Variants in XRCC4 observed in about 807,000 individuals in gnomAD.
The protein encoded by XRCC4 is DNA repair protein XRCC4.
Under a neutral mutation model 39.1 loss-of-function variants are expected in XRCC4, and 28 were observed. The observed-to-expected ratio is 0.72, with a 90% CI of 0.53 to 0.98. The LOEUF is 0.98. Ranked by LOEUF, XRCC4 falls within the 50% of genes least tolerant of loss-of-function variation. The probability of loss-of-function intolerance (pLI) is 0.00; values close to 1 mark genes in which losing one functional copy is unlikely to be tolerated. For missense variants in XRCC4, 350 were observed against 376.4 expected (o/e 0.93, Z 0.58); for synonymous variants, 123 against 126.4 (o/e 0.97, Z 0.18).
At chr5:83,341,491 G>T (rs1275690329) in intron 7 of XRCC4, among the ~76,000 whole-genome samples, 1 of 152,118 alleles carries the variant, frequency 6.6e-6, no homozygotes, top group Non-Finnish European at 1.5e-5. Context: ...AAGACTAAGA[G>T]AACTTAGTGG....
At chr5:83,103,429 G>A (rs1375401009) in intron 1 of XRCC4, among the ~76,000 whole-genome samples, 3 of 150,948 alleles carry the variant, frequency 2.0e-5, no homozygotes, top group Non-Finnish European at 4.4e-5. Flanking sequence ...CATGGAAAAT[G>A]TTTGCAAGAA....
chr5:83,291,746 G>A (rs1177382809), intron 7 of XRCC4, among the ~76,000 whole-genome samples: 1 of 151,684 alleles, frequency 6.6e-6, no homozygotes, highest in Non-Finnish European at 1.5e-5. Flanking sequence ...GCTTTCCTCT[G>A]TAACAGCTCA....
At chr5:83,187,944 G>A (rs577354044) in intron 3 of XRCC4, among the ~76,000 whole-genome samples, 4 of 152,148 alleles carry the variant, frequency 2.6e-5, no homozygotes, top group Non-Finnish European at 4.4e-5. Flanking sequence ...GAGAAGTTTT[G>A]CAATGACAGG....
At chr5:83,315,935 A>G (rs1378978607) in intron 7 of XRCC4, among the ~76,000 whole-genome samples, 1 of 152,178 alleles carries the variant, frequency 6.6e-6, no homozygotes, top group African/African-American at 2.4e-5. Context: ...GTAAGGCTAC[A>G]ACTGCCATAG....
rs750605920 is a variant in XRCC4 at position 83,353,175 on chromosome 5, C to G, written c.938C>G (p.Ser313Ter). Reference sequence around the variant, plus strand: ...GAGACGTCTAAAAAGGAGCACATCTCAGCTGAAAACATGTCTTTAGAAACT... The same window carrying G: ...GAGACGTCTAAAAAGGAGCACATCTGAGCTGAAAACATGTCTTTAGAAACT... ...LPETSKKEHI[S>*]AENMSLETLR... The change falls in exon 8 of 8, where the codon TCA (serine) becomes TGA (stop). Residue 313 changes from serine to a stop codon, truncating the protein, a stop_gained. Coordinates refer to ENST00000396027, the MANE Select transcript of XRCC4 (RefSeq NM_003401.5). LOFTEE classifies it high-confidence loss of function. 6 of 1,612,538 alleles carry G rather than the reference C, an allele frequency of 3.7e-6. No homozygotes were observed. The South Asian group carries it at 6.6e-5, about 18-fold the overall frequency.
intron 1 of XRCC4, among the ~76,000 whole-genome samples, chr5:83,097,749 G>A (rs1745747722): frequency 6.6e-6 from 1 of 152,094 alleles, no homozygotes. Flanking sequence ...CTTCTCTTCA[G>A]TTCTGTTAAG....
intron 1 of XRCC4, among the ~76,000 whole-genome samples, chr5:83,095,612 G>C (rs1166233006): frequency 2.0e-5 from 3 of 152,112 alleles, no homozygotes; most frequent in African/African-American, 7.2e-5. Flanking sequence ...TCTCTACCTA[G>C]ACAGGATTAC....
intron 3 of XRCC4, among the ~76,000 whole-genome samples, chr5:83,149,283 C>G (rs997327864): frequency 2.6e-5 from 4 of 152,030 alleles, no homozygotes; most frequent in Admixed American, 2.6e-4. Context: ...TATAGAGTTA[C>G]TAAGATTCAG....
the XRCC4 span, among the ~76,000 whole-genome samples, chr5:83,372,306 G>A: frequency 5.9e-5 from 9 of 152,250 alleles, no homozygotes; most frequent in South Asian, 1.9e-3. Flanking sequence ...TTGCACTGTG[G>A]GAAGTCATAA....
chr5:83,114,143 G>A (rs1413554056), intron 3 of XRCC4, among the ~76,000 whole-genome samples: 1 of 133,636 alleles, frequency 7.5e-6, no homozygotes, highest in East Asian at 2.0e-4. Flanking sequence ...CGCTGCAATG[G>A]GGGCCTGGAC....
At chr5:83,290,961 A>T (rs1561457519) in intron 7 of XRCC4, among the ~76,000 whole-genome samples, 1 of 151,900 alleles carries the variant, frequency 6.6e-6, no homozygotes, top group Non-Finnish European at 1.5e-5. Flanking sequence ...TTCAGCTTAC[A>T]TAGATTATTC....
At chr5:83,117,642 TGTG>T (rs1746794554) in intron 3 of XRCC4, among the ~76,000 whole-genome samples, 1 of 52,452 alleles carries the variant, frequency 1.9e-5, no homozygotes, top group Non-Finnish European at 4.4e-5. Context: ...TGTGTGTGTG[TGTG>T]TGTGTGTGTG....
At chr5:83,310,336 G>A (rs1198660757) in intron 7 of XRCC4, among the ~76,000 whole-genome samples, 1 of 152,144 alleles carries the variant, frequency 6.6e-6, no homozygotes, top group Non-Finnish European at 1.5e-5. Context: ...CTAATTTGTC[G>A]AGGCTTGATT....
chr5:83,314,327 G>T (rs1322590371), intron 7 of XRCC4, among the ~76,000 whole-genome samples: 1 of 152,016 alleles, frequency 6.6e-6, no homozygotes, highest in East Asian at 1.9e-4. Flanking sequence ...AAAACCATTT[G>T]GTTGCACAAG....
chr5:83,355,830 G>A (rs983379186), downstream of XRCC4, among the ~76,000 whole-genome samples: 1 of 152,158 alleles, frequency 6.6e-6, no homozygotes, highest in South Asian at 2.1e-4. Flanking sequence ...TAGAGATGGG[G>A]TTTGGCCATG....
At chr5:83,135,371 T>C (rs189556952) in intron 3 of XRCC4, among the ~76,000 whole-genome samples, 1 of 151,436 alleles carries the variant, frequency 6.6e-6, no homozygotes, top group Non-Finnish European at 1.5e-5. Context: ...ACCTTATCTT[T>C]CTTATCTAAG....
chr5:83,254,065 T>C (rs1266748932), intron 6 of XRCC4, among the ~76,000 whole-genome samples: 1 of 151,436 alleles, frequency 6.6e-6, no homozygotes, highest in Non-Finnish European at 1.5e-5. Flanking sequence ...AGTAAGTTAA[T>C]TGGCAATCGT....
At chr5:83,345,303 C>T (rs551734016) in intron 7 of XRCC4, among the ~76,000 whole-genome samples, 1 of 152,138 alleles carries the variant, frequency 6.6e-6, no homozygotes, top group South Asian at 2.1e-4. Flanking sequence ...GTAATAAAGA[C>T]ATTCCCCTTT....
At chr5:83,312,442 A>G (rs1235536824) in intron 7 of XRCC4, among the ~76,000 whole-genome samples, 1 of 152,186 alleles carries the variant, frequency 6.6e-6, no homozygotes, top group Non-Finnish European at 1.5e-5. Flanking sequence ...AGAATTAACC[A>G]TGGAGAGATC....
Sources: gnomAD v4.1 joint callset for allele counts (sites outside exome capture counted in the v4.1 genomes callset) on GRCh38, gnomAD v4.1.1 for gene constraint, MANE v1.5 for transcripts, NCBI Gene and HGNC (gene_info 2026-07-23, HGNC 2026-07-21) for gene names.